FAM234A: variants seen among roughly 807,000 people sequenced by gnomAD.
The protein encoded by FAM234A is family with sequence similarity 234 member A.
In FAM234A, 42 loss-of-function variants were observed where a neutral mutation model predicts 49.1. That is an observed-to-expected ratio of 0.86 (90% CI 0.67 to 1.11). FAM234A has a LOEUF of 1.11. FAM234A is among the 50% of genes least tolerant of loss of function. FAM234A has a pLI of 0.00. For synonymous variants in FAM234A, 369 were observed against 316.2 expected (o/e 1.17, Z -1.77); for missense variants, 815 against 745.2 (o/e 1.09, Z -1.09).
chr16:244,072 C>T (rs2050710346), intron 1 of FAM234A, among the ~76,000 whole-genome samples: 1 of 151,956 alleles, frequency 6.6e-6, no homozygotes, highest in Non-Finnish European at 1.5e-5. Context: ...AGGTTCACAC[C>T]ATTCTCCTGC....
intron 8 of FAM234A, 69 bp from the exon 9 acceptor site, chr16:263,193 A>C: frequency 1.2e-5 from 19 of 1,570,702 alleles, no homozygotes; most frequent in Non-Finnish European, 1.6e-5. Context: ...GGGCGGTGCC[A>C]GAGCCTCCAC....
At chr16:239,377 G>T (rs1199099056) in intron 1 of FAM234A, among the ~76,000 whole-genome samples, 2 of 151,232 alleles carry the variant, frequency 1.3e-5, no homozygotes, top group Non-Finnish European at 1.5e-5. Context: ...ACTTTGGGAG[G>T]CTGAGGTGGG....
At chr16:263,849 C>T (rs12325227) in intron 10 of FAM234A, 74 bp downstream of exon 10, 235,144 of 1,436,828 alleles carry the variant, frequency 0.16, 21,064 homozygotes, top group East Asian at 0.3. Context: ...GCAGACGGGG[C>T]TGCGGCCCAG....
chr16:259,332 A>T lies in FAM234A; in HGVS notation c.269-151A>T, dbSNP rs556568724. 3.8e-5 allele frequency: 24 copies of T among 636,936 alleles called. No individual in the cohort carries two copies. In the South Asian group the frequency reaches 4.8e-4, roughly 13 times the overall value. The allele number at this position is 636,936 out of a possible 1,614,324, so 39.5% of individuals were successfully genotyped here. A position where few individuals can be genotyped will look rare whatever the true frequency, so the allele number is the denominator to read the frequency against. On this transcript the variant is annotated intron_variant, in intron 3 of 12. Transcript: ENST00000399932. ...CCCCCTGGTTTTCACGAAGGAAATTACTCATCCTAGTGAGGAAGAAGCCAC... is the reference window on the plus strand; with the variant it reads ...CCCCCTGGTTTTCACGAAGGAAATTTCTCATCCTAGTGAGGAAGAAGCCAC...
chr16:261,193 G>A (rs1026861286), intron 5 of FAM234A, 191 bp from the exon 6 acceptor site: 8 of 598,944 alleles, frequency 1.3e-5, no homozygotes, highest in South Asian at 4.4e-5. Context: ...CCACCTCCGC[G>A]TGCTGCTCCT....
At chr16:252,428 G>T (rs973816683) in intron 2 of FAM234A, among the ~76,000 whole-genome samples, 1 of 151,798 alleles carries the variant, frequency 6.6e-6, no homozygotes, top group African/African-American at 2.4e-5. Flanking sequence ...TGATCTGCCT[G>T]CCTCGGCCTC....
At chr16:261,973 C>T (rs2051485227) in intron 6 of FAM234A, 120 bp from the exon 7 acceptor site, 8 of 849,852 alleles carry the variant, frequency 9.4e-6, no homozygotes, top group Non-Finnish European at 1.1e-5. Context: ...TCACGTCCCT[C>T]TCTTCCTGGG....
At chr16:246,800 G>T (rs538641178) in intron 1 of FAM234A, among the ~76,000 whole-genome samples, 1 of 136,050 alleles carries the variant, frequency 7.4e-6, no homozygotes, top group South Asian at 2.3e-4. Flanking sequence ...TTTGAGATGG[G>T]GGTCTTGCTC....
chr16:256,627 A>G (rs1227879165), intron 3 of FAM234A, among the ~76,000 whole-genome samples: 1 of 151,798 alleles, frequency 6.6e-6, no homozygotes. Context: ...CTGGAGTGCA[A>G]TGGCGCAATC....
At position 259,992 on chromosome 16, in the gene FAM234A, G is replaced by A; in HGVS notation, c.409G>A (p.Ala137Thr). ...AGGCTTTTCCTCTCCCTGCACCTTT[G>A]CAGCTGCTGTGTCGGGGGCCAACGG... is the stretch of plus-strand genomic sequence containing the variant. ...DEGFSSPCTFAAAVSGANGST... is the reference protein window; with the variant it reads ...DEGFSSPCTFTAAVSGANGST... The change falls in exon 5 of 13, where the codon GCA becomes ACA. Residue 137 changes from alanine (A) to threonine (T), a missense_variant. Physicochemically the swap from Ala to Thr is moderately conservative, Grantham distance 58. Coordinates refer to ENST00000399932, the MANE Select transcript of FAM234A (RefSeq NM_032039.4). The A allele has an allele frequency of 6.2e-7, 1 of 1,613,464 alleles. No individual in the cohort carries two copies. Among genetic ancestry groups the A allele is most frequent in the Non-Finnish European group, 8.5e-7 (1 of 1,179,952 alleles).
At chr16:263,627 G>T in intron 9 of FAM234A, 73 bp from the exon 10 acceptor site, 1 of 1,354,998 alleles carries the variant, frequency 7.4e-7, no homozygotes. Flanking sequence ...GGGCGGACGT[G>T]TTCCTGGGTG....
chr16:262,556 G>T lies in FAM234A; in HGVS notation c.971+3G>T. 1 of 1,593,152 alleles carries T rather than the reference G, an allele frequency of 6.3e-7. No individual in the cohort carries two copies. ...ACCCGCAGGATGCTTTCCCACAGGTGGGTCCGGGCCGCAGCCTTTCTCCAT... is the reference window on the plus strand; with the variant it reads ...ACCCGCAGGATGCTTTCCCACAGGTTGGTCCGGGCCGCAGCCTTTCTCCAT... On this transcript the variant is annotated splice_donor_region_variant and intron_variant, in intron 8 of 12. Coordinates refer to ENST00000399932, the MANE Select transcript of FAM234A (RefSeq NM_032039.4).
chr16:258,173 T>A (rs60382482), intron 3 of FAM234A, among the ~76,000 whole-genome samples: 6,524 of 149,660 alleles, frequency 0.044, 204 homozygotes, highest in African/African-American at 0.082. Flanking sequence ...TTTTTTTTTT[T>A]ATTGATCATT....
chr16:262,247 C>G (rs2051496319), intron 7 of FAM234A, 22 bp downstream of exon 7: 12 of 1,612,510 alleles, frequency 7.4e-6, no homozygotes, highest in African/African-American at 1.3e-5. Flanking sequence ...CTGCCACATC[C>G]CTGGCCAGCC....
At chr16:239,659 A>T (rs1360631757) in intron 1 of FAM234A, among the ~76,000 whole-genome samples, 1 of 151,724 alleles carries the variant, frequency 6.6e-6, no homozygotes, top group Non-Finnish European at 1.5e-5. Flanking sequence ...GGGGAGTTGC[A>T]GGAAATCTGC....
At position 261,484 on chromosome 16, in the gene FAM234A, C is replaced by T; in HGVS notation, c.678C>T (p.Asp226=). 1 of 1,611,576 alleles carries T rather than the reference C, an allele frequency of 6.2e-7. No individual in the cohort carries two copies. The highest frequency in any genetic ancestry group is 8.5e-7 in the Non-Finnish European group (1 of 1,179,210). The change falls in exon 6 of 13, where the codon GAC becomes GAT. Residue 226 remains aspartate, a synonymous_variant. Transcript: ENST00000399932. ...ATGTGGACGGCGATGGGGCCCCAGA[C>T]CTGCTGGTTCTCACCCAGGAGCGGG... is the stretch of plus-strand genomic sequence containing the variant. The part of the protein sequence containing the change: ...VPDVDGDGAP[D]LLVLTQEREE...
At chr16:241,054 G>A (rs2050594770) in intron 1 of FAM234A, among the ~76,000 whole-genome samples, 1 of 151,876 alleles carries the variant, frequency 6.6e-6, no homozygotes, top group South Asian at 2.1e-4. Flanking sequence ...CGCACAGCTG[G>A]GACTAGAGGC....
At chr16:244,863 T>C (rs1555460983) in intron 1 of FAM234A, among the ~76,000 whole-genome samples, 3 of 151,414 alleles carry the variant, frequency 2.0e-5, no homozygotes, top group Non-Finnish European at 4.4e-5. Flanking sequence ...AATTTTTTTT[T>C]GTATTTTTAG....
At chr16:257,881 C>G (rs1384140026) in intron 3 of FAM234A, among the ~76,000 whole-genome samples, 1 of 151,366 alleles carries the variant, frequency 6.6e-6, no homozygotes, top group Non-Finnish European at 1.5e-5. Context: ...TTTTTGAGAT[C>G]GAGTCTCGCT....
Sources: allele counts gnomAD v4.1 joint callset (sites outside exome capture counted in the v4.1 genomes callset), GRCh38; gene constraint gnomAD v4.1.1; transcripts MANE v1.5; gene names NCBI Gene and HGNC (gene_info 2026-07-23, HGNC 2026-07-21).